The following LHX8 variants were observed in gnomAD, a reference collection of about 807,000 sequenced individuals.
LHX8 encodes the protein LIM homeobox 8.
In LHX8, 12 loss-of-function variants were observed where a neutral mutation model predicts 40.3. The ratio of observed to expected loss-of-function variants is 0.30; its 90% confidence interval spans 0.19 to 0.48. LHX8 has a LOEUF of 0.48. Ranked by LOEUF, LHX8 falls within the 20% of genes least tolerant of loss-of-function variation. The probability of loss-of-function intolerance (pLI) is 0.99; values close to 1 mark genes in which losing one functional copy is unlikely to be tolerated. For synonymous variants in LHX8, 179 were observed against 162.0 expected (o/e 1.10, Z -0.80); for missense variants, 344 against 433.7 (o/e 0.79, Z 1.84).
At chr1:75,155,997 C>CTTT (rs200891522) in intron 7 of LHX8, among the ~76,000 whole-genome samples, 2 of 130,494 alleles carry the variant, frequency 1.5e-5, no homozygotes, top group Non-Finnish European at 3.3e-5. Context: ...ATTTAGTAGT[C>CTTT]TTTTTTTTTT....
the LHX8 span, among the ~76,000 whole-genome samples, chr1:75,180,362 C>T: frequency 4.6e-5 from 7 of 152,184 alleles, no homozygotes; most frequent in African/African-American, 1.4e-4. Flanking sequence ...CACATAGTCC[C>T]ATATTTCTTG....
At chr1:75,130,684 C>T (rs542756557), upstream of LHX8, 1 of 1,610,898 alleles carries the variant, frequency 6.2e-7, no homozygotes, top group East Asian at 2.2e-5. Context: ...CAAGGTGAGC[C>T]CGTATACAGC....
chr1:75,162,278 C>G (rs535845039), downstream of LHX8, among the ~76,000 whole-genome samples: 1 of 150,968 alleles, frequency 6.6e-6, no homozygotes, highest in Non-Finnish European at 1.5e-5. Context: ...ACCGGCTACT[C>G]TATTTTAAAT....
the LHX8 span, among the ~76,000 whole-genome samples, chr1:75,180,177 C>T: frequency 2.2e-3 from 332 of 152,180 alleles, no homozygotes; most frequent in Non-Finnish European, 3.2e-3. Flanking sequence ...CTTGGGGTTG[C>T]TCTTCTCGAG....
chr1:75,129,055 C>T (rs1647895873), intron 1 of LHX8, among the ~76,000 whole-genome samples: 1 of 152,182 alleles, frequency 6.6e-6, no homozygotes, highest in Admixed American at 6.5e-5. Context: ...GTAGGAGAAA[C>T]ATTATGTTCA....
intron 5 of LHX8, 62 bp downstream of exon 5, chr1:75,143,400 C>T: frequency 7.7e-7 from 1 of 1,293,062 alleles, no homozygotes. Context: ...ATAAAAATAA[C>T]TTTTCCTAAG....
At chr1:75,148,213 T>TAAG (rs1648512953) in intron 6 of LHX8, among the ~76,000 whole-genome samples, 1 of 152,206 alleles carries the variant, frequency 6.6e-6, no homozygotes, top group Non-Finnish European at 1.5e-5. Flanking sequence ...ACAAATGTGA[T>TAAG]ATGATTTTTG....
intron 1 of LHX8, chr1:75,128,672 G>A (rs1647887537): frequency 6.6e-6 from 1 of 152,130 alleles, no homozygotes. Flanking sequence ...GGGGGCATTT[G>A]ACAAATAATA....
At chr1:75,189,948 C>T in the LHX8 span, among the ~76,000 whole-genome samples, 2 of 152,126 alleles carry the variant, frequency 1.3e-5, no homozygotes, top group Non-Finnish European at 2.9e-5. Flanking sequence ...TATTCATTAA[C>T]AATTGGATTC....
chr1:75,128,904 G>T (rs1268651703), intron 1 of LHX8, among the ~76,000 whole-genome samples: 3 of 152,206 alleles, frequency 2.0e-5, no homozygotes, highest in Non-Finnish European at 4.4e-5. Context: ...GCCCAGGGAG[G>T]TGCGTCTAAC....
At chr1:75,160,520 A>G (rs912495159) in intron 8 of LHX8, 9 of 393,702 alleles carry the variant, frequency 2.3e-5, no homozygotes, top group Admixed American at 4.0e-5. Flanking sequence ...AGCATCTCTG[A>G]AGAGGAACCC....
the LHX8 span, among the ~76,000 whole-genome samples, chr1:75,168,132 C>T: frequency 5.9e-5 from 9 of 152,128 alleles, no homozygotes; most frequent in Non-Finnish European, 1.3e-4. Context: ...TTCCTCTGCC[C>T]GCAGTAGCTG....
chr1:75,177,533 A>G, the LHX8 span, among the ~76,000 whole-genome samples: 2 of 152,298 alleles, frequency 1.3e-5, no homozygotes, highest in South Asian at 2.1e-4. Flanking sequence ...TTGTATCCTG[A>G]GACTTTGCTG....
At chr1:75,128,713 A>C (rs1647887911) in intron 1 of LHX8, 1 of 152,258 alleles carries the variant, frequency 6.6e-6, no homozygotes, top group Non-Finnish European at 1.5e-5. Flanking sequence ...CCATTTTCAC[A>C]ATATTCAGAA....
chr1:75,139,572 A>C (rs1197067614), intron 3 of LHX8, among the ~76,000 whole-genome samples: 1 of 152,158 alleles, frequency 6.6e-6, no homozygotes, highest in Non-Finnish European at 1.5e-5. Context: ...AAAAAATATA[A>C]GGAAAATGCT....
intron 6 of LHX8, among the ~76,000 whole-genome samples, chr1:75,146,939 C>A (rs1050644918): frequency 6.6e-6 from 1 of 152,106 alleles, no homozygotes; most frequent in Admixed American, 6.6e-5. Context: ...AATGACCTTA[C>A]AAAATCCCCA....
At chr1:75,152,764 T>A (rs1648643371) in intron 7 of LHX8, among the ~76,000 whole-genome samples, 1 of 152,218 alleles carries the variant, frequency 6.6e-6, no homozygotes, top group Non-Finnish European at 1.5e-5. Context: ...GTACAAGAGT[T>A]CCTTTTCCCC....
intron 6 of LHX8, among the ~76,000 whole-genome samples, chr1:75,147,468 T>C (rs894672458): frequency 2.0e-5 from 3 of 152,176 alleles, no homozygotes; most frequent in African/African-American, 7.2e-5. Flanking sequence ...GAGATAAACT[T>C]GAAAACAAAT....
At chr1:75,181,981 G>A in the LHX8 span, among the ~76,000 whole-genome samples, 1 of 152,256 alleles carries the variant, frequency 6.6e-6, no homozygotes, top group South Asian at 2.1e-4. Context: ...TTCTTTTGCT[G>A]TACAGAAGCT....
Sources: gnomAD v4.1 joint callset for allele counts (sites outside exome capture counted in the v4.1 genomes callset) on GRCh38, gnomAD v4.1.1 for gene constraint, MANE v1.5 for transcripts, NCBI Gene and HGNC (gene_info 2026-07-23, HGNC 2026-07-21) for gene names.